The following POLD1 variants were observed in gnomAD, a reference collection of about 807,000 sequenced individuals.
POLD1 encodes the protein DNA polymerase delta catalytic subunit.
Under a neutral mutation model 129.7 loss-of-function variants are expected in POLD1, and 79 were observed. The observed-to-expected ratio is 0.61, with a 90% CI of 0.51 to 0.73. POLD1 has a LOEUF of 0.73. Among genes scored for constraint, POLD1 ranks in the 30% least tolerant of loss-of-function variants. POLD1 has a pLI of 0.00. For missense variants in POLD1, 1,338 were observed against 1,595.8 expected (o/e 0.84, Z 2.75); for synonymous variants, 714 against 683.3 (o/e 1.04, Z -0.70).
Position 50,409,089 on chromosome 19 carries a change from G to A in POLD1, c.1893-33G>A. 6.6e-7 allele frequency: 1 copy of A among 1,504,498 alleles called. No homozygotes were observed. The highest frequency in any genetic ancestry group is 1.7e-4 in the Middle Eastern group (1 of 5,874). The allele number at this position is 1,504,498 out of a possible 1,614,324, so 93.2% of individuals were successfully genotyped here. A position where few individuals can be genotyped will look rare whatever the true frequency, so the allele number is the denominator to read the frequency against. On this transcript the variant is annotated intron_variant, in intron 15 of 26. Coordinates refer to ENST00000440232, the MANE Select transcript of POLD1 (RefSeq NM_002691.4). The surrounding 1 kb of genome is among the most constrained non-coding windows in gnomAD (Gnocchi z 5.8). ...CAGAGGTGGGCTGGAGCAGGAGGGT[G>A]GCCGGCAGTCACCCCAACATCTTCC...
chr19:50,404,016 A>T (rs1056083849), intron 10 of POLD1, among the ~76,000 whole-genome samples: 1 of 152,132 alleles, frequency 6.6e-6, no homozygotes, highest in Non-Finnish European at 1.5e-5. Flanking sequence ...GTAAGGGTGG[A>T]TTCCTCTGCC....
chr19:50,397,349 G>A (rs1003357124), intron 1 of POLD1, among the ~76,000 whole-genome samples: 1 of 151,422 alleles, frequency 6.6e-6, no homozygotes, highest in Non-Finnish European at 1.5e-5. Flanking sequence ...AAGTTGCAGT[G>A]AATCGAGATT....
At chr19:50,388,660 T>A (rs2546544) in intron 1 of POLD1, among the ~76,000 whole-genome samples, 1 of 152,102 alleles carries the variant, frequency 6.6e-6, no homozygotes, top group South Asian at 2.1e-4. Flanking sequence ...TGAACAGCCA[T>A]GGCCCTTTGC....
rs888438886 is a variant in POLD1, at chr19:50,403,439, G to T, written c.1138-54G>T. The stretch of plus-strand genomic sequence containing the variant: ...GGGTTCTAGAACATTCTGGAAGTAG[G>T]GGAATCCGAGGCAGGGCAACCACCA... On this transcript the variant is annotated intron_variant, in intron 9 of 26. Transcript: ENST00000440232. The T allele has an allele frequency of 3.7e-6, 5 of 1,355,316 alleles. No homozygotes were observed. In the African/African-American group the frequency reaches 7.2e-5, roughly 19 times the overall value. The allele number at this position is 1,355,316 out of a possible 1,614,324, so 84.0% of individuals were successfully genotyped here.
Position 50,409,185 on chromosome 19 carries a change from G to C in POLD1, c.1956G>C (p.Arg652=). 2 of 1,613,818 alleles carry C rather than the reference G, an allele frequency of 1.2e-6. No individual in the cohort carries two copies. The highest frequency in any genetic ancestry group is 8.5e-7 in the Non-Finnish European group (1 of 1,179,816). The change falls in exon 16 of 27, where the codon CGG becomes CGC. Residue 652 remains arginine (R), a synonymous_variant. Transcript: ENST00000440232. The surrounding 1 kb of genome is among the most constrained non-coding windows in gnomAD (Gnocchi z 5.8). The stretch of plus-strand genomic sequence containing the variant: ...ACGAGTTTGTGAAGACCTCAGTGCG[G>C]AAGGGGCTGCTGCCCCAGATCCTGG... ...TGDEFVKTSV[R]KGLLPQILEN...
At chr19:50,396,476 A>AAT (rs765881098) in intron 1 of POLD1, among the ~76,000 whole-genome samples, 70 of 149,656 alleles carry the variant, frequency 4.7e-4, no homozygotes, top group Admixed American at 1.2e-3. Flanking sequence ...CCAAAATAAT[A>AAT]ATATATATAT....
At chr19:50,397,254 C>G (rs377571788) in intron 1 of POLD1, among the ~76,000 whole-genome samples, 2 of 151,942 alleles carry the variant, frequency 1.3e-5, no homozygotes, top group East Asian at 2.0e-4. Context: ...CAAAAATTAG[C>G]TGGGCATGGT....
At chr19:50,392,811 G>A (rs926262045) in intron 1 of POLD1, among the ~76,000 whole-genome samples, 3 of 152,212 alleles carry the variant, frequency 2.0e-5, no homozygotes, top group Non-Finnish European at 2.9e-5. Flanking sequence ...CAGGGTAAAC[G>A]TTTTCTTAGA....
chr19:50,392,122 T>C (rs2038197160), intron 1 of POLD1, among the ~76,000 whole-genome samples: 1 of 151,088 alleles, frequency 6.6e-6, no homozygotes, highest in Non-Finnish European at 1.5e-5. Context: ...CCAGACTGTA[T>C]TGCAGTGGTG....
At position 50,395,124 on chromosome 19, in the gene POLD1, C is replaced by G. The variant is rs188771079; in HGVS notation, c.-1-3727C>G. ...TCTCAAAGTGCTGGGATTATAGGTG[C>G]GAGCCACGGTGCCCAGCTGGGTACA... is the stretch of plus-strand genomic sequence containing the variant. On this transcript the variant is annotated intron_variant, in intron 1 of 26. Transcript: ENST00000440232. 3.4e-5 allele frequency: 5 copies of G among 148,342 alleles called. No homozygotes were observed. In the East Asian group the frequency reaches 1.0e-3, roughly 31 times the overall value. 9.2% of individuals were successfully genotyped at this position (148,342 alleles called of 1,614,324 possible). A position where few individuals can be genotyped will look rare whatever the true frequency, so the allele number is the denominator to read the frequency against.
intron 1 of POLD1, among the ~76,000 whole-genome samples, chr19:50,391,036 G>A (rs1335587810): frequency 6.6e-6 from 1 of 151,176 alleles, no homozygotes; most frequent in Non-Finnish European, 1.5e-5. Context: ...TTTTCTATTC[G>A]ACAAAACCGC....
chr19:50,417,997 A>G lies in POLD1; in HGVS notation c.*50A>G. On this transcript the variant is annotated 3_prime_UTR_variant, in exon 27 of 27. Coordinates refer to ENST00000440232, the MANE Select transcript of POLD1 (RefSeq NM_002691.4). Reference sequence around the variant, plus strand: ...GGGCGGGACCAGGGAGAATTAATAAAGTTCTGGACTTTTGCTATATGGTGC... The same window carrying G: ...GGGCGGGACCAGGGAGAATTAATAAGGTTCTGGACTTTTGCTATATGGTGC... The G allele has an allele frequency of 8.6e-7, 1 of 1,163,104 alleles. No individual in the cohort carries two copies. Among genetic ancestry groups the G allele is most frequent in the Non-Finnish European group, 1.3e-6 (1 of 788,792 alleles). 72.0% of individuals were successfully genotyped at this position (1,163,104 alleles called of 1,614,324 possible).
rs751565067 is a variant in POLD1 at position 50,415,496 on chromosome 19, C to T, written c.2623C>T (p.Arg875Cys). The change falls in exon 21 of 27, where the codon CGC becomes TGC. Residue 875 changes from arginine to cysteine, a missense_variant. Coordinates refer to ENST00000440232, the MANE Select transcript of POLD1 (RefSeq NM_002691.4). ...CGTCATCTCGGACCTGCTGTGCAAC[C>T]GCATCGATATCTCCCAGCTGGTCAT... is the stretch of plus-strand genomic sequence containing the variant. ...QDVISDLLCN[R>C]IDISQLVITK... The T allele has an allele frequency of 6.2e-6, 10 of 1,613,224 alleles. No individual in the cohort carries two copies. The highest frequency in any genetic ancestry group is 4.0e-5 in the African/African-American group (3 of 74,932).
At chr19:50,410,283 T>C (rs1374036701) in intron 17 of POLD1, among the ~76,000 whole-genome samples, 1 of 152,226 alleles carries the variant, frequency 6.6e-6, no homozygotes, top group Non-Finnish European at 1.5e-5. Context: ...CGGAAGGGTC[T>C]TCCTGTCCAG....
At chr19:50,389,222 A>G (rs1401183738) in intron 1 of POLD1, among the ~76,000 whole-genome samples, 5 of 150,532 alleles carry the variant, frequency 3.3e-5, no homozygotes, top group Non-Finnish European at 7.4e-5. Context: ...CGACCTCCCC[A>G]GGCTCAGCTG....
intron 22 of POLD1, 50 bp from the exon 23 acceptor site, chr19:50,416,346 C>G: frequency 1.3e-6 from 2 of 1,539,658 alleles, no homozygotes; most frequent in Non-Finnish European, 1.7e-6. Context: ...CCGTGTCCAC[C>G]CCGGTGCCCT....
chr19:50,400,545 T>C (rs1220513226), intron 3 of POLD1, among the ~76,000 whole-genome samples: 1 of 135,314 alleles, frequency 7.4e-6, no homozygotes, highest in African/African-American at 2.9e-5. Flanking sequence ...TTTTTTTTTT[T>C]TTTTTGAGAC....
chr19:50,402,772 C>G, intron 8 of POLD1, 31 bp downstream of exon 8: 1 of 1,561,400 alleles, frequency 6.4e-7, no homozygotes, highest in Non-Finnish European at 8.7e-7. Flanking sequence ...TCCTGCCCGC[C>G]TCATTGATGT....
chr19:50,412,595 A>G (rs947275831), intron 17 of POLD1, among the ~76,000 whole-genome samples: 7 of 152,358 alleles, frequency 4.6e-5, no homozygotes, highest in Admixed American at 3.9e-4. Flanking sequence ...CAGTAATTAC[A>G]CTAAATGTAA....
Sources: allele counts gnomAD v4.1 joint callset (sites outside exome capture counted in the v4.1 genomes callset), GRCh38; gene constraint gnomAD v4.1.1; non-coding constraint Gnocchi (gnomAD v3.1); transcripts MANE v1.5; gene names NCBI Gene and HGNC (gene_info 2026-07-23, HGNC 2026-07-21).